Variants in LHFPL3 observed in about 807,000 individuals in gnomAD.
LHFPL3 encodes the protein LHFPL tetraspan subfamily member 3 protein.
A neutral mutation model predicts 19.3 loss-of-function variants in LHFPL3; 5 were observed. The ratio of observed to expected loss-of-function variants is 0.26; its 90% CI spans 0.14 to 0.54. The LOEUF is 0.54. Among genes scored for constraint, LHFPL3 ranks in the 20% least tolerant of loss-of-function variants. The pLI is 0.94. For synonymous variants in LHFPL3, 133 were observed against 126.2 expected (o/e 1.05, Z -0.36); for missense variants, 249 against 307.4 (o/e 0.81, Z 1.42).
At chr7:104,331,749 A>C (rs1801570834) in intron 1 of LHFPL3, among the ~76,000 whole-genome samples, 1 of 152,148 alleles carries the variant, frequency 6.6e-6, no homozygotes, top group African/African-American at 2.4e-5. Flanking sequence ...CAGGAGTTCA[A>C]AACCAGCCTG....
intron 1 of LHFPL3, among the ~76,000 whole-genome samples, chr7:104,503,514 A>G (rs1481419066): frequency 6.6e-6 from 1 of 152,192 alleles, no homozygotes; most frequent in Admixed American, 6.6e-5. Context: ...ATTCTTGAGT[A>G]TTCTATTTCA....
chr7:104,832,978 C>T (rs1395036071), intron 2 of LHFPL3, among the ~76,000 whole-genome samples: 2 of 16,576 alleles, frequency 1.2e-4, no homozygotes, highest in African/African-American at 2.4e-4. Flanking sequence ...ATATATATAT[C>T]CTGGGTTATA....
intron 1 of LHFPL3, among the ~76,000 whole-genome samples, chr7:104,583,876 C>T (rs906911641): frequency 4.6e-5 from 7 of 151,554 alleles, no homozygotes; most frequent in Non-Finnish European, 1.0e-4. Context: ...TAAACTAGTT[C>T]AACCATTGTG....
intron 1 of LHFPL3, among the ~76,000 whole-genome samples, chr7:104,598,233 A>G (rs1487044801): frequency 6.6e-6 from 1 of 152,220 alleles, no homozygotes; most frequent in African/African-American, 2.4e-5. Context: ...CACCACAGAT[A>G]TCTCGATTGG....
chr7:104,807,011 A>ATATGTGTG (rs1377044318), intron 2 of LHFPL3, among the ~76,000 whole-genome samples: 4,076 of 139,622 alleles, frequency 0.029, 86 homozygotes, highest in East Asian at 0.06. Flanking sequence ...CAAAATATAT[A>ATATGTGTG]TGTGTGTGTG....
At chr7:104,773,696 AC>A (rs1794597265) in intron 2 of LHFPL3, among the ~76,000 whole-genome samples, 1 of 152,172 alleles carries the variant, frequency 6.6e-6, no homozygotes, top group African/African-American at 2.4e-5. Context: ...AAGAGAAGAA[AC>A]CTGGACAGAG....
At chr7:104,639,250 A>G (rs1252046746) in intron 1 of LHFPL3, among the ~76,000 whole-genome samples, 1 of 152,064 alleles carries the variant, frequency 6.6e-6, no homozygotes, top group East Asian at 1.9e-4. Flanking sequence ...ATTCAATTTC[A>G]GAGTTCATTA....
chr7:104,836,971 T>G (rs895638599), intron 2 of LHFPL3, among the ~76,000 whole-genome samples: 6 of 152,208 alleles, frequency 3.9e-5, no homozygotes, highest in African/African-American at 1.4e-4. Context: ...AATAGTAAGA[T>G]GAGGATCTTT....
chr7:104,546,596 G>A (rs1277648048), intron 1 of LHFPL3, among the ~76,000 whole-genome samples: 2 of 152,200 alleles, frequency 1.3e-5, no homozygotes, highest in Non-Finnish European at 1.5e-5. Flanking sequence ...ATTCATTGTA[G>A]TACAAATTGT....
intron 1 of LHFPL3, among the ~76,000 whole-genome samples, chr7:104,369,568 A>G (rs1790571308): frequency 6.6e-6 from 1 of 152,152 alleles, no homozygotes; most frequent in African/African-American, 2.4e-5. Context: ...ATTGGGTTGT[A>G]TGGTACATTT....
In LHFPL3 at chr7:104,641,658, T is replaced by G. The variant is rs147071934; in HGVS notation, c.446-95017T>G. Among the ~76,000 whole-genome samples, 34 of 152,284 alleles carry G rather than the reference T, an allele frequency of 2.2e-4. No homozygotes were observed. The East Asian group carries it at 6.0e-3, about 27-fold the overall frequency. On this transcript the variant is annotated intron_variant, in intron 1 of 2. Coordinates refer to ENST00000424859, the MANE Select transcript of LHFPL3 (RefSeq NM_199000.3). ...TCTGCTGATGCGCTCTGGCCTGTGG[T>G]TTCCATGACAAATTCCTTCTTAAAT...
intron 1 of LHFPL3, among the ~76,000 whole-genome samples, chr7:104,531,105 A>G (rs900082320): frequency 7.9e-5 from 12 of 152,242 alleles, no homozygotes; most frequent in South Asian, 6.2e-4. Context: ...TGCTCACTTA[A>G]CATTTGCTCC....
intron 1 of LHFPL3, among the ~76,000 whole-genome samples, chr7:104,570,013 C>G (rs1291925936): frequency 6.6e-6 from 1 of 152,182 alleles, no homozygotes; most frequent in Non-Finnish European, 1.5e-5. Flanking sequence ...TGTTTTGAAG[C>G]ATTAGAGTCT....
chr7:104,452,141 T>C (rs1445775591), intron 1 of LHFPL3, among the ~76,000 whole-genome samples: 18 of 152,176 alleles, frequency 1.2e-4, no homozygotes, highest in Admixed American at 1.2e-3. Flanking sequence ...ACATTTGGTA[T>C]TCTTTCCTTA....
At chr7:104,845,356 T>G in intron 2 of LHFPL3, 3 of 1,319,814 alleles carry the variant, frequency 2.3e-6, no homozygotes, top group Non-Finnish European at 3.2e-6. Context: ...CTTTAACCGT[T>G]CTGTTTTTTC....
In LHFPL3 at chr7:104,568,661, T is replaced by G. The variant is rs140121508; in HGVS notation, c.446-168014T>G. On this transcript the variant is annotated intron_variant, in intron 1 of 2. Coordinates refer to ENST00000424859, the MANE Select transcript of LHFPL3 (RefSeq NM_199000.3). ...TGGGACCTAACTCCTGATTGCAGCC[T>G]ATATGCTGTGCTGAGAATCATACTG... 5.8e-3 allele frequency among the ~76,000 whole-genome samples: 887 copies of G among 152,302 alleles called. 7 individuals are homozygous for G. Among genetic ancestry groups the G allele is most frequent in the African/African-American group, 0.02 (816 of 41,566 alleles).
chr7:104,848,410 G>A (rs1455772948), intron 2 of LHFPL3, among the ~76,000 whole-genome samples: 1 of 152,110 alleles, frequency 6.6e-6, no homozygotes, highest in East Asian at 1.9e-4. Context: ...AAGACTAGTT[G>A]GTCTTCCCGC....
intron 1 of LHFPL3, among the ~76,000 whole-genome samples, chr7:104,608,485 G>A (rs377762397): frequency 7.6e-6 from 1 of 131,176 alleles, no homozygotes. Context: ...ATCACACTCC[G>A]GGGACTGTTG....
At position 104,695,350 on chromosome 7, in the gene LHFPL3, A is replaced by C. The variant is rs542497033; in HGVS notation, c.446-41325A>C. The stretch of plus-strand genomic sequence containing the variant: ...TGCCACAGATGAGCCACTCCTATTC[A>C]ATTAGAAATATGAGTGATTACAATA... On this transcript the variant is annotated intron_variant, in intron 1 of 2. Coordinates refer to ENST00000424859, the MANE Select transcript of LHFPL3 (RefSeq NM_199000.3). Among the ~76,000 whole-genome samples the C allele has an allele frequency of 5.3e-5, 8 of 152,344 alleles. No individual in the cohort carries two copies. In the South Asian group the frequency reaches 1.7e-3, roughly 32 times the overall value.
Sources: allele counts gnomAD v4.1 joint callset (sites outside exome capture counted in the v4.1 genomes callset), GRCh38; gene constraint gnomAD v4.1.1; transcripts MANE v1.5; gene names NCBI Gene and HGNC (gene_info 2026-07-23, HGNC 2026-07-21).